PRDM5: variants seen among roughly 807,000 people sequenced by gnomAD.
PRDM5 encodes PR domain zinc finger protein 5.
Under a neutral mutation model 81.2 loss-of-function variants are expected in PRDM5, and 56 were observed. The observed-to-expected ratio is 0.69, with a 90% confidence interval of 0.56 to 0.86. The LOEUF (loss-of-function observed/expected upper bound fraction) is 0.86, where lower values mean the gene tolerates loss of function less well. Among genes scored for constraint, PRDM5 ranks in the 40% least tolerant of loss-of-function variants. The pLI is 0.00. For synonymous variants in PRDM5, 267 were observed against 256.4 expected, an observed-to-expected ratio of 1.04 and a Z score of -0.39; for missense variants, 697 against 770.1, an observed-to-expected ratio of 0.91 and a Z score of 1.12.
rs1222147713 is a variant in PRDM5, at chr4:120,760,784, T to C, written c.1538-6146A>G. Among the ~76,000 whole-genome samples the C allele has an allele frequency of 2.0e-5, 3 of 152,272 alleles. No individual in the cohort carries two copies. The East Asian group carries it at 5.8e-4, about 29-fold the overall frequency. ...TTAGCACATACCATCTTCTAGTTAC[T>C]GTCCTGGGCTTTGAGAATGCAGTTG... is the stretch of plus-strand genomic sequence containing the variant. On this transcript the variant is annotated intron_variant, in intron 13 of 15. Coordinates refer to ENST00000264808, the MANE Select transcript of PRDM5 (RefSeq NM_018699.4).
chr4:120,832,913 G>T (rs1578914643), intron 3 of PRDM5, among the ~76,000 whole-genome samples: 1 of 152,202 alleles, frequency 6.6e-6, no homozygotes, highest in South Asian at 2.1e-4. Flanking sequence ...AACCAGCATT[G>T]TGCCAAGCAT....
At chr4:120,888,958 C>G (rs1157929318) in intron 2 of PRDM5, among the ~76,000 whole-genome samples, 1 of 151,982 alleles carries the variant, frequency 6.6e-6, no homozygotes, top group Non-Finnish European at 1.5e-5. Flanking sequence ...ATAGTTCTTA[C>G]TATATTCTGG....
intron 10 of PRDM5, among the ~76,000 whole-genome samples, chr4:120,793,775 GA>G (rs1750932261): frequency 1.5e-5 from 2 of 135,446 alleles, no homozygotes; most frequent in African/African-American, 5.4e-5. Flanking sequence ...AAAATTAACA[GA>G]GTAGATTTTG....
At chr4:120,824,837 A>C (rs1561394664) in intron 3 of PRDM5, among the ~76,000 whole-genome samples, 1 of 152,170 alleles carries the variant, frequency 6.6e-6, no homozygotes, top group East Asian at 1.9e-4. Context: ...GTAAATCAAT[A>C]TGCCCAAAAA....
chr4:120,748,508 G>T (rs982593331), intron 14 of PRDM5, among the ~76,000 whole-genome samples: 2 of 151,922 alleles, frequency 1.3e-5, no homozygotes, highest in Admixed American at 1.3e-4. Flanking sequence ...CAGGCATTGT[G>T]GTGCATGCCT....
chr4:120,868,668 G>T (rs1355775267), intron 2 of PRDM5, among the ~76,000 whole-genome samples: 1 of 152,062 alleles, frequency 6.6e-6, no homozygotes, highest in Non-Finnish European at 1.5e-5. Context: ...AATTTATTTG[G>T]GACCAAAGCT....
intron 2 of PRDM5, among the ~76,000 whole-genome samples, chr4:120,859,034 A>G (rs1760246514): frequency 6.6e-6 from 1 of 152,032 alleles, no homozygotes; most frequent in South Asian, 2.1e-4. Context: ...AATTCACAGA[A>G]CCTGTGAGAG....
chr4:120,829,052 T>C (rs550950481), intron 3 of PRDM5, among the ~76,000 whole-genome samples: 3 of 152,190 alleles, frequency 2.0e-5, no homozygotes, highest in Admixed American at 1.3e-4. Context: ...GCTGATCTGA[T>C]TACTGCTTTC....
chr4:120,879,554 T>A (rs1322052302), intron 2 of PRDM5, among the ~76,000 whole-genome samples: 1 of 152,222 alleles, frequency 6.6e-6, no homozygotes, highest in Non-Finnish European at 1.5e-5. Flanking sequence ...ATACAAAATA[T>A]ATTTTCTCTT....
intron 13 of PRDM5, among the ~76,000 whole-genome samples, chr4:120,771,013 G>C (rs1320338539): frequency 6.6e-6 from 1 of 151,878 alleles, no homozygotes; most frequent in East Asian, 1.9e-4. Flanking sequence ...TTCTGTTTTT[G>C]TAACATCTTT....
intron 2 of PRDM5, among the ~76,000 whole-genome samples, chr4:120,900,120 C>T (rs1765076424): frequency 6.6e-6 from 1 of 152,166 alleles, no homozygotes; most frequent in Admixed American, 6.5e-5. Flanking sequence ...TATCTGGAAA[C>T]CCTCAGAACA....
chr4:120,920,675 G>T (rs891478367), intron 1 of PRDM5, among the ~76,000 whole-genome samples: 1 of 152,200 alleles, frequency 6.6e-6, no homozygotes, highest in African/African-American at 2.4e-5. Flanking sequence ...CCTTGTGACT[G>T]AATATTTTGG....
chr4:120,806,911 C>T (rs1753058377), intron 8 of PRDM5, among the ~76,000 whole-genome samples: 1 of 152,076 alleles, frequency 6.6e-6, no homozygotes, highest in African/African-American at 2.4e-5. Context: ...AGCGAACAGG[C>T]AACCTACAGA....
In PRDM5 at chr4:120,922,588, C is replaced by T. The variant is rs1256065327; in HGVS notation, c.21G>A (p.Pro7=). 1 of 1,609,334 alleles carries T rather than the reference C, an allele frequency of 6.2e-7. No homozygotes were observed. Among genetic ancestry groups the T allele is most frequent in the South Asian group, 1.1e-5 (1 of 90,382 alleles). ...GGGAGGACTTCAGGGAGAACCTGTC[C>T]GGCACGTACATGCCCAGCATTTTCC... The part of the protein sequence containing the change: MLGMYV[P]DRFSLKSSRV... Residue 7 remains proline, a synonymous_variant, in exon 1 of 16, where the codon CCG becomes CCA. Transcript: ENST00000264808.
intron 15 of PRDM5, among the ~76,000 whole-genome samples, chr4:120,704,606 C>T (rs141727140): frequency 6.6e-6 from 1 of 152,356 alleles, no homozygotes; most frequent in East Asian, 1.9e-4. Flanking sequence ...CCTACCACTT[C>T]TGCTAGGAAC....
At chr4:120,808,434 G>A (rs1334870312) in intron 8 of PRDM5, among the ~76,000 whole-genome samples, 1 of 152,170 alleles carries the variant, frequency 6.6e-6, no homozygotes, top group Non-Finnish European at 1.5e-5. Context: ...GCTGATTGGT[G>A]TGTTTATAAA....
chr4:120,882,592 A>G (rs2067063887), intron 2 of PRDM5, among the ~76,000 whole-genome samples: 1 of 152,226 alleles, frequency 6.6e-6, no homozygotes. Flanking sequence ...CAATACAGTA[A>G]TTGAAATAAC....
chr4:120,725,673 G>T (rs1193844195), intron 14 of PRDM5, among the ~76,000 whole-genome samples: 1 of 151,842 alleles, frequency 6.6e-6, no homozygotes, highest in Non-Finnish European at 1.5e-5. Flanking sequence ...CCCTCCATTT[G>T]GTGCAAACCA....
intron 8 of PRDM5, among the ~76,000 whole-genome samples, chr4:120,805,071 G>A (rs537935565): frequency 2.0e-5 from 3 of 152,160 alleles, no homozygotes; most frequent in South Asian, 4.1e-4. Flanking sequence ...TACTATCAAC[G>A]CCTCTACGCA....
Sources: gnomAD v4.1 joint callset for allele counts (sites outside exome capture counted in the v4.1 genomes callset) on GRCh38, gnomAD v4.1.1 for gene constraint, MANE v1.5 for transcripts, NCBI Gene and HGNC (gene_info 2026-07-23, HGNC 2026-07-21) for gene names.